The following DIAPH3 variants were observed in gnomAD, a reference collection of about 807,000 sequenced individuals.
DIAPH3 encodes the protein diaphanous related formin 3, also known as protein diaphanous homolog 3.
Under a neutral mutation model 144.3 loss-of-function variants are expected in DIAPH3, and 117 were observed. The observed-to-expected ratio is 0.81, with a 90% CI of 0.70 to 0.95. The LOEUF is 0.95. Among genes scored for constraint, DIAPH3 ranks in the 40% least tolerant of loss-of-function variants. DIAPH3 has a pLI of 0.00. For missense variants in DIAPH3, 1,421 were observed against 1,412.7 expected, an observed-to-expected ratio of 1.01 and a Z score of -0.09; for synonymous variants, 519 against 488.9, an observed-to-expected ratio of 1.06 and a Z score of -0.81.
chr13:60,155,988 T>A (rs141130340), intron 1 of DIAPH3, among the ~76,000 whole-genome samples: 1 of 152,348 alleles, frequency 6.6e-6, no homozygotes, highest in East Asian at 1.9e-4. Context: ...TCATTTCCTA[T>A]GGCAGGTGTA....
At chr13:59,911,864 C>A in intron 19 of DIAPH3, 28 bp from the exon 20 acceptor site, 2 of 1,453,076 alleles carry the variant, frequency 1.4e-6, no homozygotes, top group Non-Finnish European at 1.9e-6. Flanking sequence ...AAAGAAAGAT[C>A]TTCACTAAAT....
chr13:60,111,818 C>T (rs2058576931), intron 3 of DIAPH3, among the ~76,000 whole-genome samples, 192 bp downstream of exon 3: 1 of 152,134 alleles, frequency 6.6e-6, no homozygotes, highest in African/African-American at 2.4e-5. Flanking sequence ...AAAACCAAAA[C>T]CTGGTATGTT....
intron 25 of DIAPH3, among the ~76,000 whole-genome samples, chr13:59,804,596 T>C (rs973334514): frequency 6.6e-6 from 1 of 152,162 alleles, no homozygotes; most frequent in African/African-American, 2.4e-5. Context: ...GTTGTTGTTG[T>C]TGTTGTTGTT....
At chr13:60,068,859 A>T (rs1391364510) in intron 4 of DIAPH3, among the ~76,000 whole-genome samples, 2 of 152,144 alleles carry the variant, frequency 1.3e-5, no homozygotes, top group African/African-American at 2.4e-5. Flanking sequence ...CATGGTGTAT[A>T]CGTACCACAT....
intron 9 of DIAPH3, among the ~76,000 whole-genome samples, chr13:60,002,546 C>A (rs927110500): frequency 6.6e-6 from 1 of 152,194 alleles, no homozygotes; most frequent in African/African-American, 2.4e-5. Flanking sequence ...TAGGAGTTCA[C>A]GTCTTTTGAC....
At chr13:60,071,724 T>A (rs886391869) in intron 4 of DIAPH3, among the ~76,000 whole-genome samples, 45 of 152,306 alleles carry the variant, frequency 3.0e-4, no homozygotes, top group African/African-American at 1.1e-3. Flanking sequence ...AACTTCTTCT[T>A]TGTCAAGGAA....
chr13:60,026,900 G>C (rs1213169759), intron 5 of DIAPH3, among the ~76,000 whole-genome samples: 2 of 152,014 alleles, frequency 1.3e-5, no homozygotes, highest in African/African-American at 4.8e-5. Context: ...TGAATGCCTA[G>C]GGAAACACAA....
chr13:59,977,966 T>G (rs764115829), intron 14 of DIAPH3, among the ~76,000 whole-genome samples: 4 of 151,788 alleles, frequency 2.6e-5, no homozygotes, highest in Non-Finnish European at 5.9e-5. Context: ...TTCTTCATAC[T>G]GATTCCTCAA....
intron 27 of DIAPH3, among the ~76,000 whole-genome samples, chr13:59,720,531 A>C (rs777441248): frequency 2.3e-4 from 35 of 152,166 alleles, no homozygotes; most frequent in Non-Finnish European, 4.4e-4. Flanking sequence ...AAAACCGAGA[A>C]TTTTATCAGG....
intron 24 of DIAPH3, among the ~76,000 whole-genome samples, chr13:59,830,782 G>A (rs1169869241): frequency 6.6e-6 from 1 of 151,776 alleles, no homozygotes; most frequent in Non-Finnish European, 1.5e-5. Context: ...GTCATTTTTT[G>A]GAACAATAAT....
intron 4 of DIAPH3, among the ~76,000 whole-genome samples, chr13:60,050,969 T>C (rs987081464): frequency 6.6e-6 from 1 of 152,126 alleles, no homozygotes; most frequent in Non-Finnish European, 1.5e-5. Context: ...GCTGGTAGTT[T>C]AGATATAAGA....
rs780897964 is a variant in DIAPH3, at chr13:59,861,447, A to G, written c.2697T>C (p.Asn899=). 13 of 1,613,698 alleles carry G rather than the reference A, an allele frequency of 8.1e-6. No homozygotes were observed. In the African/African-American group the frequency reaches 1.7e-4, roughly 22 times the overall value. The change falls in exon 22 of 28, where the codon AAT becomes AAC. Residue 899 remains asparagine (N), a synonymous_variant. Coordinates refer to ENST00000400324, the MANE Select transcript of DIAPH3 (RefSeq NM_001042517.2). ...ICEEKYPDIL[N]FVDDLEPLDK... The stretch of plus-strand genomic sequence containing the variant: ...CTAAAGGTTCCAAATCATCCACAAA[A>G]TTCAGTATATCAGGGTACTTCTCTT...
intron 5 of DIAPH3, among the ~76,000 whole-genome samples, chr13:60,042,165 T>C (rs759127462): frequency 6.6e-6 from 1 of 152,122 alleles, no homozygotes; most frequent in Non-Finnish European, 1.5e-5. Context: ...TCAGATAAAA[T>C]ACAGGATACA....
chr13:60,016,289 T>C (rs1187490280), intron 5 of DIAPH3, 144 bp from the exon 6 acceptor site: 2 of 807,252 alleles, frequency 2.5e-6, no homozygotes, highest in East Asian at 2.7e-5. Context: ...AAATTATTCA[T>C]GACTCATCTT....
At chr13:59,701,801 G>A (rs1434548965) in intron 27 of DIAPH3, among the ~76,000 whole-genome samples, 1 of 152,142 alleles carries the variant, frequency 6.6e-6, no homozygotes, top group Non-Finnish European at 1.5e-5. Flanking sequence ...ATACATCACT[G>A]CATTCTTACC....
In DIAPH3 at chr13:59,920,795, T is replaced by C. The variant is rs577322992; in HGVS notation, c.2170+3980A>G. On this transcript the variant is annotated intron_variant, in intron 18 of 27. Transcript: ENST00000400324. ...AACAAAATCAGAATAAACATCCTTC[T>C]CTCAACTGCACATGGAACATTCTCC... 8.6e-5 allele frequency among the ~76,000 whole-genome samples: 13 copies of C among 151,912 alleles called. No individual in the cohort carries two copies. The East Asian group carries it at 1.4e-3, about 16-fold the overall frequency.
In DIAPH3 at chr13:59,697,459, C is replaced by CAAAAAAAAAAAAAA. The variant is rs58372882; in HGVS notation, c.3320-30627_3320-30614dup. Among the ~76,000 whole-genome samples, 13 of 31,186 alleles carry CAAAAAAAAAAAAAA rather than the reference C, an allele frequency of 4.2e-4. 1 individual carries two copies. The highest frequency in any genetic ancestry group is 7.2e-4 in the African/African-American group (6 of 8,342). 20.5% of individuals were successfully genotyped at this position (31,186 alleles called of 152,430 possible). ...TGGGCGACAGAGCGAGACACTGTCT[C>CAAAAAAAAAAAAAA]AAAAAAAAAAAAAAAAAAAAAAAAA... On this transcript the variant is annotated intron_variant, in intron 27 of 27. Coordinates refer to ENST00000400324, the MANE Select transcript of DIAPH3 (RefSeq NM_001042517.2).
intron 25 of DIAPH3, among the ~76,000 whole-genome samples, chr13:59,809,725 A>G (rs2040375560): frequency 6.6e-6 from 1 of 152,302 alleles, no homozygotes; most frequent in Non-Finnish European, 1.5e-5. Context: ...CCAGGAAGAA[A>G]CAAGTGCAAT....
At chr13:59,936,743 C>A (rs2048282887) in intron 17 of DIAPH3, among the ~76,000 whole-genome samples, 2 of 152,166 alleles carry the variant, frequency 1.3e-5, no homozygotes, top group African/African-American at 4.8e-5. Context: ...CAGAAAACAT[C>A]CATAAATTTT....
Sources: allele counts gnomAD v4.1 joint callset (sites outside exome capture counted in the v4.1 genomes callset), GRCh38; gene constraint gnomAD v4.1.1; transcripts MANE v1.5; gene names NCBI Gene and HGNC (gene_info 2026-07-23, HGNC 2026-07-21).